The following CCDC102B variants were observed in gnomAD, a reference collection of about 807,000 sequenced individuals.
CCDC102B encodes the protein coiled-coil domain containing 102B, also known as coiled-coil domain-containing protein 102B.
In CCDC102B, 75 loss-of-function variants were observed where a neutral mutation model predicts 57.4. The observed-to-expected ratio is 1.31, with a 90% CI of 1.08 to 1.58. CCDC102B has a LOEUF of 1.58. Ranked by LOEUF, CCDC102B falls within the 40% of genes most tolerant of loss-of-function variation. The probability of loss-of-function intolerance (pLI) is 0.00; values close to 1 mark genes in which losing one functional copy is unlikely to be tolerated. For missense variants in CCDC102B, 636 were observed against 582.6 expected (o/e 1.09, Z -0.94); for synonymous variants, 206 against 201.9 (o/e 1.02, Z -0.17).
intron 6 of CCDC102B, among the ~76,000 whole-genome samples, chr18:68,980,431 C>G (rs946772487): frequency 6.6e-6 from 1 of 151,090 alleles, no homozygotes; most frequent in Non-Finnish European, 1.5e-5. Context: ...AGAGCAAACT[C>G]TTTGCTCTGG....
At chr18:68,965,781 C>G (rs1238255856) in intron 6 of CCDC102B, among the ~76,000 whole-genome samples, 2 of 151,964 alleles carry the variant, frequency 1.3e-5, no homozygotes, top group Non-Finnish European at 2.9e-5. Context: ...TTTACTAAAT[C>G]TAAACATTTG....
intron 5 of CCDC102B, among the ~76,000 whole-genome samples, chr18:68,884,923 G>T (rs1361961577): frequency 6.6e-6 from 1 of 151,720 alleles, no homozygotes; most frequent in Admixed American, 6.6e-5. Flanking sequence ...TGATGTATAT[G>T]CTAATTTGCT....
Position 68,837,270 on chromosome 18 carries a change from A to T in CCDC102B, c.507A>T (p.Glu169Asp), listed in dbSNP as rs751305632. ...KLPGFVEESC[E>D]HTDQFQLSSQ... ...CTGGCTTCGTAGAAGAATCCTGTGA[A>T]CATACAGACCAATTTCAATTGAGTT... The change falls in exon 2 of 8, where the codon GAA becomes GAT. Residue 169 changes from glutamate to aspartate, a missense_variant. Coordinates refer to ENST00000360242, the MANE Select transcript of CCDC102B (RefSeq NM_024781.3). 1 of 1,614,062 alleles carries T rather than the reference A, an allele frequency of 6.2e-7. No individual in the cohort carries two copies.
intron 4 of CCDC102B, among the ~76,000 whole-genome samples, chr18:68,865,124 C>A (rs965630862): frequency 6.6e-6 from 1 of 152,044 alleles, no homozygotes; most frequent in Non-Finnish European, 1.5e-5. Flanking sequence ...CTTCTATTCA[C>A]TCACAAATCA....
At chr18:68,950,413 T>C (rs1341016751) in intron 6 of CCDC102B, among the ~76,000 whole-genome samples, 1 of 152,070 alleles carries the variant, frequency 6.6e-6, no homozygotes, top group African/African-American at 2.4e-5. Flanking sequence ...AGATTTTATC[T>C]TAGTAATTTG....
chr18:68,997,059 T>C (rs12957812), intron 6 of CCDC102B, among the ~76,000 whole-genome samples: 130,554 of 152,086 alleles, frequency 0.86, 57,964 homozygotes, highest in Non-Finnish European at 0.97. Flanking sequence ...CCTTCCCCTT[T>C]GTTCAGCACT....
rs192083757 is a variant in CCDC102B at position 68,727,808 on chromosome 18, C to T, written c.-67+11214C>T. On this transcript the variant is annotated intron_variant, in intron 2 of 3. Transcript: ENST00000578970. ...ATTGGCAGCCTACTGGGCAGAATTA[C>T]AGGCTCTGTTCCTGGCAGTAATAGA... is the stretch of plus-strand genomic sequence containing the variant. Among the ~76,000 whole-genome samples the T allele has an allele frequency of 2.6e-5, 4 of 152,302 alleles. No individual in the cohort carries two copies. The East Asian group carries it at 5.8e-4, about 22-fold the overall frequency.
chr18:68,799,205 A>T (rs1282138650), intron 1 of CCDC102B, among the ~76,000 whole-genome samples: 1 of 152,152 alleles, frequency 6.6e-6, no homozygotes, highest in Non-Finnish European at 1.5e-5. Context: ...AATGAAAGCA[A>T]TAAATTAGAA....
At chr18:68,876,503 C>T (rs916404762) in intron 5 of CCDC102B, among the ~76,000 whole-genome samples, 3 of 152,098 alleles carry the variant, frequency 2.0e-5, no homozygotes, top group African/African-American at 4.8e-5. Context: ...AATTAGAACT[C>T]CGGGGTCATC....
intron 4 of CCDC102B, among the ~76,000 whole-genome samples, chr18:68,856,653 G>C (rs2038399567): frequency 6.6e-6 from 1 of 151,916 alleles, no homozygotes; most frequent in Non-Finnish European, 1.5e-5. Flanking sequence ...AAGGACTCAG[G>C]GTCATGGGGC....
At chr18:68,959,783 C>G (rs939820613) in intron 6 of CCDC102B, among the ~76,000 whole-genome samples, 1 of 152,044 alleles carries the variant, frequency 6.6e-6, no homozygotes, top group Non-Finnish European at 1.5e-5. Context: ...TCCCCTGGCT[C>G]ATGGTGTGTA....
At chr18:69,053,229 A>G (rs982803530) in intron 7 of CCDC102B, among the ~76,000 whole-genome samples, 3 of 151,860 alleles carry the variant, frequency 2.0e-5, no homozygotes, top group Non-Finnish European at 2.9e-5. Flanking sequence ...TGTTGGATTT[A>G]AAAAGCAAGA....
At chr18:69,033,767 G>T (rs2052211295) in intron 7 of CCDC102B, among the ~76,000 whole-genome samples, 1 of 151,828 alleles carries the variant, frequency 6.6e-6, no homozygotes, top group South Asian at 2.1e-4. Flanking sequence ...TTAAGGAACT[G>T]TCAAACTATT....
At chr18:68,832,124 C>G (rs2037168292) in intron 1 of CCDC102B, among the ~76,000 whole-genome samples, 1 of 151,734 alleles carries the variant, frequency 6.6e-6, no homozygotes, top group Non-Finnish European at 1.5e-5. Flanking sequence ...AAAAATTCAA[C>G]AAAGGTTTCA....
intron 2 of CCDC102B, among the ~76,000 whole-genome samples, chr18:68,762,995 G>A (rs1180277875): frequency 2.0e-5 from 3 of 150,922 alleles, no homozygotes; most frequent in African/African-American, 7.4e-5. Context: ...AAGGCCTTAG[G>A]GGGGAAAAAA....
intron 4 of CCDC102B, among the ~76,000 whole-genome samples, chr18:68,853,710 CA>C: frequency 2.2e-5 from 2 of 92,308 alleles, no homozygotes; most frequent in South Asian, 8.5e-4. Context: ...AAATCTGACT[CA>C]ATGAAACCTT....
rs150765549 is a variant in CCDC102B, at chr18:69,046,100, T to C, written c.1435-7930T>C. Among the ~76,000 whole-genome samples, 383 of 152,280 alleles carry C rather than the reference T, an allele frequency of 2.5e-3. 2 individuals are homozygous for C. The highest frequency in any genetic ancestry group is 8.0e-3 in the African/African-American group (333 of 41,576). ...TTTGTGGTAGAATGATTTATACTACTTTGAGTATATACCCAACAATGGGAT... is the reference window on the plus strand; with the variant it reads ...TTTGTGGTAGAATGATTTATACTACCTTGAGTATATACCCAACAATGGGAT... On this transcript the variant is annotated intron_variant, in intron 7 of 7. Coordinates refer to ENST00000360242, the MANE Select transcript of CCDC102B (RefSeq NM_024781.3).
At chr18:68,957,514 A>G (rs911438216) in intron 6 of CCDC102B, among the ~76,000 whole-genome samples, 2 of 144,894 alleles carry the variant, frequency 1.4e-5, no homozygotes, top group Non-Finnish European at 3.0e-5. Flanking sequence ...TAGTTACTAT[A>G]TCTCTGTAGT....
At chr18:68,913,345 G>GTGTGTGTGTGT (rs2040945119) in intron 6 of CCDC102B, among the ~76,000 whole-genome samples, 10 of 13,238 alleles carry the variant, frequency 7.6e-4, no homozygotes, top group Middle Eastern at 0.05. Context: ...TGTGTGTGTG[G>GTGTGTGTGTGT]TCCTACTTTA....
Sources: gnomAD v4.1 joint callset for allele counts (sites outside exome capture counted in the v4.1 genomes callset) on GRCh38, gnomAD v4.1.1 for gene constraint, MANE v1.5 for transcripts, NCBI Gene and HGNC (gene_info 2026-07-23, HGNC 2026-07-21) for gene names.